The following CR1L variants were observed in gnomAD, a reference collection of about 807,000 sequenced individuals.
CR1L encodes the protein complement C3b/C4b receptor 1 like.
Under a neutral mutation model 62.3 loss-of-function variants are expected in CR1L, and 59 were observed. That is an observed-to-expected ratio of 0.95 (90% CI 0.77 to 1.18). The LOEUF is 1.18. CR1L is among the 50% of genes most tolerant of loss of function. The probability of loss-of-function intolerance (pLI) is 0.00; values close to 1 mark genes in which losing one functional copy is unlikely to be tolerated. For missense variants in CR1L, 700 were observed against 702.8 expected (o/e 1.00, Z 0.04); for synonymous variants, 279 against 248.7 (o/e 1.12, Z -1.15).
chr1:207,717,345 A>T, intron 10 of CR1L, 119 bp from the exon 11 acceptor site: 1 of 1,128,154 alleles, frequency 8.9e-7, no homozygotes, highest in Non-Finnish European at 1.2e-6. Context: ...CATCCACCTT[A>T]GTTATAGTCT....
At chr1:207,713,395 T>C (rs1421064473) in intron 10 of CR1L, among the ~76,000 whole-genome samples, 1 of 152,268 alleles carries the variant, frequency 6.6e-6, no homozygotes, top group Non-Finnish European at 1.5e-5. Context: ...CATATCTTCA[T>C]GTCAAGAATG....
At chr1:207,712,277 C>T (rs950152397) in intron 10 of CR1L, among the ~76,000 whole-genome samples, 1 of 152,198 alleles carries the variant, frequency 6.6e-6, no homozygotes, top group Non-Finnish European at 1.5e-5. Flanking sequence ...AATGATGGTA[C>T]AAATACCTCC....
At chr1:207,656,785 G>A (rs1193079037) in intron 1 of CR1L, among the ~76,000 whole-genome samples, 1 of 152,118 alleles carries the variant, frequency 6.6e-6, no homozygotes, top group Non-Finnish European at 1.5e-5. Context: ...CCATTCATGA[G>A]AAATCCACCC....
At chr1:207,687,984 G>A (rs1663938212) in intron 4 of CR1L, among the ~76,000 whole-genome samples, 3 of 151,948 alleles carry the variant, frequency 2.0e-5, no homozygotes, top group Admixed American at 2.0e-4. Context: ...TTCTACTTAG[G>A]CAATTGGGCC....
intron 10 of CR1L, among the ~76,000 whole-genome samples, chr1:207,712,664 C>A (rs889526850): frequency 6.6e-6 from 1 of 152,216 alleles, no homozygotes; most frequent in Non-Finnish European, 1.5e-5. Flanking sequence ...GCACTGCATG[C>A]CCCAGGGAGA....
chr1:207,671,850 G>A (rs1571511127), intron 1 of CR1L, among the ~76,000 whole-genome samples: 1 of 150,924 alleles, frequency 6.6e-6, no homozygotes, highest in East Asian at 1.9e-4. Flanking sequence ...GAACCTGGGA[G>A]GCAGAGGTTG....
Position 207,677,419 on chromosome 1 carries a change from T to A in CR1L, c.128T>A (p.Phe43Tyr). The A allele has an allele frequency of 6.2e-7, 1 of 1,613,440 alleles. No homozygotes were observed. The highest frequency in any genetic ancestry group is 1.1e-5 in the South Asian group (1 of 90,962). Residue 43 changes from phenylalanine (F) to tyrosine (Y), a missense_variant, in exon 2 of 12, where the codon TTT (phenylalanine) becomes TAT (tyrosine). Physicochemically the swap from Phe to Tyr is conservative, Grantham distance 22. Transcript: ENST00000508064. ...TGCAATGTCCCGGAATGGCTTCCAT[T>A]TGCCAGGCCTACCAACCTAACTGAT... The part of the protein sequence containing the change: ...DQCNVPEWLP[F>Y]ARPTNLTDDF...
At chr1:207,680,113 A>G (rs911008981) in intron 3 of CR1L, among the ~76,000 whole-genome samples, 1 of 152,226 alleles carries the variant, frequency 6.6e-6, no homozygotes, top group Non-Finnish European at 1.5e-5. Context: ...ACTTGGGGTG[A>G]CCATGATGTG....
At chr1:207,711,908 A>C (rs1438491966) in intron 10 of CR1L, among the ~76,000 whole-genome samples, 9 of 152,040 alleles carry the variant, frequency 5.9e-5, no homozygotes, top group Non-Finnish European at 1.3e-4. Flanking sequence ...CAAAAAAAAA[A>C]AAACACAAAA....
In CR1L at chr1:207,722,567, C is replaced by T. The variant is rs796483062; in HGVS notation, c.1643-1051C>T. Among the ~76,000 whole-genome samples the T allele has an allele frequency of 8.9e-4, 135 of 151,482 alleles. 1 individual carries two copies. Among genetic ancestry groups the T allele is most frequent in the African/African-American group, 2.7e-3 (110 of 41,302 alleles). On this transcript the variant is annotated intron_variant, in intron 11 of 11. Transcript: ENST00000508064. ...ATTGATCTATATCTCTGTTTTGGTA[C>T]CAGTACCATGCTGTTTTGGTTACTG...
At chr1:207,660,432 G>C (rs944982750) in intron 1 of CR1L, among the ~76,000 whole-genome samples, 3 of 152,240 alleles carry the variant, frequency 2.0e-5, no homozygotes, top group African/African-American at 7.2e-5. Context: ...ACCTGCAGCT[G>C]AGGGACCTGT....
chr1:207,665,766 T>G (rs759507634), intron 1 of CR1L, among the ~76,000 whole-genome samples: 1 of 152,204 alleles, frequency 6.6e-6, no homozygotes, highest in Non-Finnish European at 1.5e-5. Flanking sequence ...CAATAGAATA[T>G]TGGGAGAAAG....
chr1:207,694,273 T>G (rs1664036569), intron 4 of CR1L, 80 bp from the exon 5 acceptor site: 1 of 1,534,876 alleles, frequency 6.5e-7, no homozygotes, highest in Non-Finnish European at 8.9e-7. Context: ...AAATAATGAA[T>G]GTAAAAATAG....
intron 1 of CR1L, among the ~76,000 whole-genome samples, chr1:207,675,535 C>T (rs1458031502): frequency 1.3e-5 from 2 of 152,142 alleles, no homozygotes; most frequent in Admixed American, 6.5e-5. Flanking sequence ...AAAGGGCCAC[C>T]ACACCTTGGT....
chr1:207,662,693 G>A (rs925119546), intron 1 of CR1L, among the ~76,000 whole-genome samples: 1 of 152,208 alleles, frequency 6.6e-6, no homozygotes, highest in Non-Finnish European at 1.5e-5. Flanking sequence ...CTGGTGAGGA[G>A]CTGCGTTCCT....
intron 1 of CR1L, chr1:207,657,095 T>TTCTTTCC (rs1238492883): frequency 1.5e-6 from 1 of 653,970 alleles, no homozygotes; most frequent in East Asian, 2.7e-5. Context: ...TCTTTTACAT[T>TTCTTTCC]TCTTTCCTCT....
chr1:207,710,367 G>A (rs536794300), intron 10 of CR1L: 31 of 1,381,096 alleles, frequency 2.2e-5, no homozygotes, highest in African/African-American at 2.1e-4. Flanking sequence ...GTGAACTTGC[G>A]GTCTCTTTTC....
At chr1:207,685,914 A>T (rs1663893575) in intron 4 of CR1L, among the ~76,000 whole-genome samples, 1 of 151,990 alleles carries the variant, frequency 6.6e-6, no homozygotes, top group Admixed American at 6.6e-5. Flanking sequence ...CCGTACAGAG[A>T]AAGTAAGTCT....
At position 207,707,399 on chromosome 1, in the gene CR1L, G is replaced by A. The variant is rs373623466; in HGVS notation, c.1329-779G>A. Among the ~76,000 whole-genome samples the A allele has an allele frequency of 1.6e-4, 24 of 152,304 alleles. No individual in the cohort carries two copies. In the East Asian group the frequency reaches 1.9e-3, roughly 12 times the overall value. ...TCCCAGCACTTTGGGAGGCCGAGGT[G>A]GGAGGGTCACCTCAGATCAGGAGTT... On this transcript the variant is annotated intron_variant, in intron 9 of 11. Transcript: ENST00000508064.
Sources: gnomAD v4.1 joint callset for allele counts (sites outside exome capture counted in the v4.1 genomes callset) on GRCh38, gnomAD v4.1.1 for gene constraint, MANE v1.5 for transcripts, NCBI Gene and HGNC (gene_info 2026-07-23, HGNC 2026-07-21) for gene names.